Variants in RPUSD3 observed in about 807,000 individuals in gnomAD.
RPUSD3 encodes the protein RNA pseudouridine synthase D3, also known as mitochondrial mRNA pseudouridine synthase RPUSD3.
Under a neutral mutation model 35.1 loss-of-function variants are expected in RPUSD3, and 36 were observed. That is an observed-to-expected ratio of 1.02 (90% CI 0.79 to 1.35). RPUSD3 has a LOEUF of 1.35. RPUSD3 is among the 40% of genes most tolerant of loss of function. RPUSD3 has a pLI of 0.00. For synonymous variants in RPUSD3, 202 were observed against 187.8 expected, an observed-to-expected ratio of 1.08 and a Z score of -0.62; for missense variants, 486 against 441.9, an observed-to-expected ratio of 1.10 and a Z score of -0.89.
At chr3:9,843,938 A>T (rs967056116) in exon 1 of RPUSD3, 3 of 1,600,770 alleles carry the variant, frequency 1.9e-6, no homozygotes, top group Non-Finnish European at 2.6e-6. Flanking sequence ...GCGGACACCC[A>T]GGCCCCGCCG....
In RPUSD3 at chr3:9,840,736, G is replaced by A. The variant is rs777563942; in HGVS notation, c.477C>T (p.Thr159=). The stretch of plus-strand genomic sequence containing the variant: ...TGGGCCTTTGGGCTCTCCGTGCATG[G>A]GTGAAGTACTTCTGGAGGCGACTAG... Residue 159 remains threonine (T), a synonymous_variant, in exon 5 of 9, where the codon ACC becomes ACT. Transcript: ENST00000383820. The A allele has an allele frequency of 3.7e-6, 6 of 1,614,150 alleles. No homozygotes were observed. In the South Asian group the frequency reaches 6.6e-5, roughly 18 times the overall value.
chr3:9,838,836 G>T, intron 8 of RPUSD3, 196 bp downstream of exon 8: 1 of 642,544 alleles, frequency 1.6e-6, no homozygotes, highest in Non-Finnish European at 2.7e-6. Flanking sequence ...TGAACACATG[G>T]ACAGAATGAA....
intron 2 of RPUSD3, 40 bp downstream of exon 2, chr3:9,843,425 C>T (rs57223920): frequency 0.074 from 119,417 of 1,609,650 alleles, 4,738 homozygotes; most frequent in Admixed American, 0.12. Context: ...CGAGGCAGTC[C>T]CCTCCCGGTC....
rs779731893 is a variant in RPUSD3, at chr3:9,839,134, C to A, written c.762G>T (p.Gln254His). 2.4e-5 allele frequency: 39 copies of A among 1,613,890 alleles called. No individual in the cohort carries two copies. Among genetic ancestry groups the A allele is most frequent in the Non-Finnish European group, 3.3e-5 (39 of 1,179,916 alleles). Reference sequence around the variant, plus strand: ...TGTGGTCCCCAAGCACAGGGCAGAGCTGTAGTACCATGTGCACCTGTAGTT... The same window carrying A: ...TGTGGTCCCCAAGCACAGGGCAGAGATGTAGTACCATGTGCACCTGTAGTT... Residue 254 changes from glutamine to histidine, a missense_variant, in exon 8 of 9, where the codon CAG becomes CAT. Gln to His is a conservative substitution (Grantham distance 24). Transcript: ENST00000383820.
At chr3:9,838,600 G>A (rs2082058804) in intron 8 of RPUSD3, among the ~76,000 whole-genome samples, 1 of 152,124 alleles carries the variant, frequency 6.6e-6, no homozygotes. Flanking sequence ...TCAACAGCCT[G>A]GGTCCCTGAG....
intron 4 of RPUSD3, 104 bp from the exon 5 acceptor site, chr3:9,840,909 C>T: frequency 1.4e-6 from 1 of 740,584 alleles, no homozygotes; most frequent in East Asian, 2.7e-5. Context: ...ACACTAACAC[C>T]AGGACTATAA....
chr3:9,842,447 C>G (rs1032283612), intron 2 of RPUSD3: 1 of 614,692 alleles, frequency 1.6e-6, no homozygotes, highest in Non-Finnish European at 2.9e-6. Context: ...TTTCCTGTCC[C>G]CAAATTTCCC....
At position 9,843,446 on chromosome 3, in the gene RPUSD3, C is replaced by T. The variant is rs1437549402; in HGVS notation, c.262+19G>A. On this transcript the variant is annotated intron_variant, in intron 2 of 8. Transcript: ENST00000383820. ...AGTCCCCTCCCGGTCCTTGTGCGGC[C>T]GTGCCTCTCACCCCTCACCTTTCCG... The T allele has an allele frequency of 1.2e-6, 2 of 1,613,234 alleles. No individual in the cohort carries two copies. The highest frequency in any genetic ancestry group is 2.2e-5 in the East Asian group (1 of 44,854).
exon 1 of RPUSD3, chr3:9,843,960 A>G: frequency 2.5e-6 from 4 of 1,609,108 alleles, no homozygotes; most frequent in South Asian, 1.1e-5. Context: ...CAGCCACTCC[A>G]GAACCGGCCC....
At chr3:9,844,000 C>T (rs747084490) in exon 1 of RPUSD3, 14 of 1,589,374 alleles carry the variant, frequency 8.8e-6, no homozygotes, top group Non-Finnish European at 1.2e-5. Context: ...TCTCCCGAGC[C>T]AGGACAGCGC....
intron 5 of RPUSD3, 36 bp downstream of exon 5, chr3:9,840,662 T>G (rs762770356): frequency 6.2e-7 from 1 of 1,604,706 alleles, no homozygotes; most frequent in South Asian, 1.1e-5. Context: ...TGCTGGGACC[T>G]CCCCACCACT....
Position 9,843,204 on chromosome 3 carries a change from G to C in RPUSD3, c.262+261C>G, listed in dbSNP as rs1575432493. The stretch of plus-strand genomic sequence containing the variant: ...ACCGCGGCCAATAAACAATAATCTA[G>C]TATAGCAACTCCCGTAACTGAGCGC... On this transcript the variant is annotated intron_variant, in intron 2 of 8. Transcript: ENST00000383820. 4 of 540,092 alleles carry C rather than the reference G, an allele frequency of 7.4e-6. No individual in the cohort carries two copies. In the East Asian group the frequency reaches 1.2e-4, roughly 17 times the overall value. 33.5% of individuals were successfully genotyped at this position (540,092 alleles called of 1,614,324 possible).
Position 9,843,555 on chromosome 3 carries a change from C to G in RPUSD3, c.172G>C (p.Gly58Arg), listed in dbSNP as rs1316350781. 21 of 1,613,758 alleles carry G rather than the reference C, an allele frequency of 1.3e-5. No individual in the cohort carries two copies. The highest frequency in any genetic ancestry group is 1.8e-5 in the Non-Finnish European group (21 of 1,179,966). Residue 58 changes from glycine (G) to arginine (R), a missense_variant, in exon 2 of 9, where the codon GGG (glycine) becomes CGG (arginine). By Grantham distance (125) the Gly-to-Arg change is moderately radical. Coordinates refer to ENST00000383820, the Ensembl canonical transcript of RPUSD3. ...AGCAGCCCCGCGAAGGGCTGGTCCC[C>G]GAGGGGCCCCGACCGTTGGCAGGAG...
intron 4 of RPUSD3, 36 bp from the exon 5 acceptor site, chr3:9,840,841 C>A: frequency 2.0e-6 from 3 of 1,530,390 alleles, no homozygotes; most frequent in Non-Finnish European, 2.7e-6. Context: ...AGTTAAAGTC[C>A]CTTGAACTCG....
At chr3:9,841,804 A>C (rs1019100623) in intron 4 of RPUSD3, 179 bp downstream of exon 4, 1 of 586,918 alleles carries the variant, frequency 1.7e-6, no homozygotes, top group African/African-American at 1.9e-5. Context: ...GTATCACACC[A>C]TTTGTACTTG....
chr3:9,840,466 CCT>C lies in RPUSD3; in HGVS notation c.600+64_600+65del, dbSNP rs58699948. The C allele has an allele frequency of 7.9e-4, 1,255 of 1,596,560 alleles. 6 individuals are homozygous for C. In the African/African-American group the frequency reaches 0.011, roughly 14 times the overall value. ...GAGCCAGCCATCCCAAATCCATACCCCTGACTCCTCTCTGTAGGGGTACTATA... is the reference window on the plus strand; with the variant it reads ...GAGCCAGCCATCCCAAATCCATACCCGACTCCTCTCTGTAGGGGTACTATA... On this transcript the variant is annotated intron_variant, in intron 6 of 8. Coordinates refer to ENST00000383820, the Ensembl canonical transcript of RPUSD3.
rs1458793657 is a variant in RPUSD3, at chr3:9,837,976, C to T, written c.*40G>A. The T allele has an allele frequency of 2.0e-6, 3 of 1,514,946 alleles. No homozygotes were observed. The South Asian group carries it at 3.7e-5, about 19-fold the overall frequency. 93.8% of individuals were successfully genotyped at this position (1,514,946 alleles called of 1,614,324 possible). A position where few individuals can be genotyped will look rare whatever the true frequency, so the allele number is the denominator to read the frequency against. ...TCTGACTGCAGAGCCCCCACCCTCACTTTCCAGTGTGTGTGAGGGGGTCAG... is the reference window on the plus strand; with the variant it reads ...TCTGACTGCAGAGCCCCCACCCTCATTTTCCAGTGTGTGTGAGGGGGTCAG... On this transcript the variant is annotated 3_prime_UTR_variant, in exon 9 of 9. Transcript: ENST00000383820.
Position 9,840,555 on chromosome 3 carries a change from CCA to C in RPUSD3, c.575_576del (p.Leu192ArgfsTer4). 1 of 1,614,076 alleles carries C rather than the reference CCA, an allele frequency of 6.2e-7. No homozygotes were observed. Among genetic ancestry groups the C allele is most frequent in the African/African-American group, 1.3e-5 (1 of 75,010 alleles). The stretch of plus-strand genomic sequence containing the variant: ...ACGAGATTGACCCCATCAATGTGTT[CCA>C]GTTTCAGGGCAGCCTGGATCTTCCC... On this transcript the variant is annotated frameshift_variant, in exon 6 of 9. Coordinates refer to ENST00000383820, the Ensembl canonical transcript of RPUSD3. LOFTEE classifies it high-confidence loss of function.
At chr3:9,843,947 C>G in exon 1 of RPUSD3, 1 of 1,603,984 alleles carries the variant, frequency 6.2e-7, no homozygotes, top group Non-Finnish European at 8.5e-7. Flanking sequence ...CAGGCCCCGC[C>G]GCCAGCCACT....
Sources: gnomAD v4.1 joint callset for allele counts (sites outside exome capture counted in the v4.1 genomes callset) on GRCh38, gnomAD v4.1.1 for gene constraint, MANE v1.5 for transcripts, NCBI Gene and HGNC (gene_info 2026-07-23, HGNC 2026-07-21) for gene names.